RBFOX1: variants seen among roughly 807,000 people sequenced by gnomAD.
RBFOX1 encodes RNA binding protein fox-1 homolog 1.
Under a neutral mutation model 57.7 loss-of-function variants are expected in RBFOX1, and 8 were observed. That is an observed-to-expected ratio of 0.14 (90% CI 0.08 to 0.25). The LOEUF (loss-of-function observed/expected upper bound fraction) is 0.25. RBFOX1 is among the 10% of genes least tolerant of loss of function. The pLI, the probability that RBFOX1 is intolerant of heterozygous loss-of-function variation, is 1.00. For missense variants in RBFOX1, 611 were observed against 548.5 expected (o/e 1.11, Z -1.14); for synonymous variants, 326 against 222.4 (o/e 1.47, Z -4.15).
chr16:6,370,953 T>C (rs1483892143), intron 2 of RBFOX1, among the ~76,000 whole-genome samples: 1 of 152,206 alleles, frequency 6.6e-6, no homozygotes, highest in Non-Finnish European at 1.5e-5. Context: ...TGGATGACCC[T>C]CAATTTGGGT....
At chr16:7,318,076 G>C (rs531720026) in intron 4 of RBFOX1, among the ~76,000 whole-genome samples, 1 of 151,918 alleles carries the variant, frequency 6.6e-6, no homozygotes, top group African/African-American at 2.4e-5. Context: ...GGTGGTAGTA[G>C]TGGTGATGAA....
intron 1 of RBFOX1, among the ~76,000 whole-genome samples, chr16:6,106,065 C>G (rs2096374586): frequency 6.6e-6 from 1 of 152,074 alleles, no homozygotes; most frequent in Non-Finnish European, 1.5e-5. Context: ...GAGCACTTCT[C>G]CATTTTCCTT....
intron 1 of RBFOX1, among the ~76,000 whole-genome samples, chr16:6,152,935 C>G (rs966834599): frequency 9.2e-5 from 14 of 151,932 alleles, no homozygotes; most frequent in African/African-American, 3.1e-4. Context: ...AGAGCTAGCT[C>G]AGTGCCACCC....
intron 1 of RBFOX1, among the ~76,000 whole-genome samples, chr16:5,261,549 G>GT (rs4047465): frequency 0.42 from 50,389 of 120,506 alleles, 11,555 homozygotes; most frequent in East Asian, 0.65. Context: ...TGTGTGTATG[G>GT]TTTTTTTTTT....
chr16:6,857,292 AAAG>A lies in RBFOX1; in HGVS notation c.-15-194758_-15-194756del, dbSNP rs1326642726. Among the ~76,000 whole-genome samples, 4 of 152,196 alleles carry A rather than the reference AAAG, an allele frequency of 2.6e-5. No homozygotes were observed. The South Asian group carries it at 6.2e-4, about 24-fold the overall frequency. The stretch of plus-strand genomic sequence containing the variant: ...TCGCAAACTTATTAGGAAGAATCCC[AAAG>A]AAGAAGTCAACACCTTTACTGAAGA... On this transcript the variant is annotated intron_variant, in intron 3 of 15. Transcript: ENST00000550418.
chr16:5,930,158 A>G (rs182306401), intron 4 of RBFOX1, among the ~76,000 whole-genome samples: 4 of 151,376 alleles, frequency 2.6e-5, no homozygotes, highest in African/African-American at 4.9e-5. Flanking sequence ...TGTTGGGATT[A>G]TAAGTGACAG....
intron 11 of RBFOX1, among the ~76,000 whole-genome samples, chr16:7,639,308 T>G (rs1218843746): frequency 3.3e-5 from 5 of 152,224 alleles, no homozygotes; most frequent in African/African-American, 7.2e-5. Flanking sequence ...TCCTCTGGGC[T>G]GGACCCTTCC....
At chr16:7,550,040 C>T (rs1319619358) in intron 5 of RBFOX1, among the ~76,000 whole-genome samples, 16 of 152,072 alleles carry the variant, frequency 1.1e-4, no homozygotes, top group Admixed American at 1.0e-3. Flanking sequence ...AGCGATTGTC[C>T]CACCTCAGCC....
At chr16:6,860,432 C>CGCGGGGGCA in intron 3 of RBFOX1, among the ~76,000 whole-genome samples, 1 of 152,266 alleles carries the variant, frequency 6.6e-6, no homozygotes, top group South Asian at 2.1e-4. Flanking sequence ...TTGGCTAAGA[C>CGCGGGGGCA]GCGGGGGCAG....
chr16:5,621,706 A>G (rs1002294991), intron 3 of RBFOX1, among the ~76,000 whole-genome samples: 13 of 152,184 alleles, frequency 8.5e-5, no homozygotes, highest in African/African-American at 2.9e-4. Flanking sequence ...GATGGTGAGG[A>G]TTCTCTCCAG....
rs575105713 is a variant in RBFOX1, at chr16:5,547,229, A to C, written c.259-51673A>C. Reference sequence around the variant, plus strand: ...TGGTTCAACATGCACCTGTCATGTCATCTAGCCATTTCATGTCTAGAGGTA... The same window carrying C: ...TGGTTCAACATGCACCTGTCATGTCCTCTAGCCATTTCATGTCTAGAGGTA... On this transcript the variant is annotated intron_variant, in intron 2 of 2. Transcript: ENST00000585867. Among the ~76,000 whole-genome samples the C allele has an allele frequency of 7.5e-4, 115 of 152,324 alleles. 1 individual carries two copies. Among genetic ancestry groups the C allele is most frequent in the African/African-American group, 2.7e-3 (113 of 41,564 alleles).
intron 3 of RBFOX1, among the ~76,000 whole-genome samples, chr16:6,888,247 T>A (rs951483572): frequency 5.9e-5 from 9 of 152,128 alleles, no homozygotes; most frequent in African/African-American, 2.2e-4. Context: ...GAAAAGAAAA[T>A]GAAGGACCAC....
chr16:6,877,575 C>T (rs1317470823), intron 3 of RBFOX1, among the ~76,000 whole-genome samples: 1 of 152,058 alleles, frequency 6.6e-6, no homozygotes, highest in Non-Finnish European at 1.5e-5. Flanking sequence ...GCCCCAGAGT[C>T]TTGTGTGTGT....
chr16:6,928,132 A>G (rs2075937366), intron 3 of RBFOX1, among the ~76,000 whole-genome samples: 2 of 151,934 alleles, frequency 1.3e-5, no homozygotes, highest in South Asian at 2.1e-4. Flanking sequence ...CACAATTCTT[A>G]GTGTGTGTGA....
intron 4 of RBFOX1, among the ~76,000 whole-genome samples, chr16:7,082,078 C>G (rs117490400): frequency 2.0e-5 from 3 of 152,088 alleles, no homozygotes; most frequent in South Asian, 2.1e-4. Context: ...GGTAACCACC[C>G]CAATTTGCAG....
chr16:6,191,363 G>T (rs1174239039), intron 1 of RBFOX1, among the ~76,000 whole-genome samples: 1 of 152,096 alleles, frequency 6.6e-6, no homozygotes, highest in Admixed American at 6.5e-5. Flanking sequence ...GAAGGGGAGG[G>T]ATGGCATGTC....
At chr16:7,529,531 C>T (rs1485734158) in intron 5 of RBFOX1, among the ~76,000 whole-genome samples, 8 of 152,172 alleles carry the variant, frequency 5.3e-5, no homozygotes, top group Non-Finnish European at 1.5e-5. Flanking sequence ...GATTGTTAAA[C>T]CACTATTATA....
At chr16:6,648,660 G>A (rs190347522) in intron 2 of RBFOX1, among the ~76,000 whole-genome samples, 28 of 152,210 alleles carry the variant, frequency 1.8e-4, no homozygotes, top group African/African-American at 6.3e-4. Context: ...TTCAGTAACT[G>A]AGGGCTCTTC....
At chr16:6,538,187 G>A (rs749829039) in intron 2 of RBFOX1, among the ~76,000 whole-genome samples, 1 of 152,120 alleles carries the variant, frequency 6.6e-6, no homozygotes, top group Admixed American at 6.6e-5. Flanking sequence ...AACACCATTA[G>A]TCATTAGAGA....
Sources: gnomAD v4.1 joint callset for allele counts (sites outside exome capture counted in the v4.1 genomes callset) on GRCh38, gnomAD v4.1.1 for gene constraint, MANE v1.5 for transcripts, NCBI Gene and HGNC (gene_info 2026-07-23, HGNC 2026-07-21) for gene names.